Variants in SLC6A6 observed in about 807,000 individuals in gnomAD.
SLC6A6 encodes the protein sodium- and chloride-dependent taurine transporter.
SLC6A6 carries 16 observed loss-of-function variants against 68.8 expected under a neutral mutation model. That is an observed-to-expected ratio of 0.23 (90% CI 0.16 to 0.35). The LOEUF is 0.35. Among genes scored for constraint, SLC6A6 ranks in the 10% least tolerant of loss-of-function variants. SLC6A6 has a pLI of 1.00. For missense variants in SLC6A6, 474 were observed against 802.8 expected (o/e 0.59, Z 4.95); for synonymous variants, 312 against 315.4 (o/e 0.99, Z 0.12).
chr3:14,477,300 G>T lies in SLC6A6; in HGVS notation c.1305G>T (p.Val435=). 6.2e-7 allele frequency: 1 copy of T among 1,614,138 alleles called. No homozygotes were observed. The highest frequency in any genetic ancestry group is 8.5e-7 in the Non-Finnish European group (1 of 1,179,948). ...GTCGGGAAATCTTCATCGCCTTCGTGTGTAGCATCAGCTACCTGCTGGGGC... is the reference window on the plus strand; with the variant it reads ...GTCGGGAAATCTTCATCGCCTTCGTTTGTAGCATCAGCTACCTGCTGGGGC... ...GYRREIFIAF[V]CSISYLLGLT... is the part of the protein sequence containing the mutation. Residue 435 remains valine, a synonymous_variant, in exon 11 of 15, where the codon GTG becomes GTT. Coordinates refer to ENST00000622186, the MANE Select transcript of SLC6A6 (RefSeq NM_003043.6). The surrounding 1 kb of genome is among the most constrained non-coding windows in gnomAD (Gnocchi z 4.2).
chr3:14,448,856 T>A (rs780159545), intron 5 of SLC6A6, among the ~76,000 whole-genome samples: 2 of 152,220 alleles, frequency 1.3e-5, no homozygotes, highest in Non-Finnish European at 2.9e-5. Flanking sequence ...ACTGCATCAT[T>A]TCCCTCTTCT....
At chr3:14,435,269 G>A (rs930073001) in intron 2 of SLC6A6, among the ~76,000 whole-genome samples, 17 of 152,322 alleles carry the variant, frequency 1.1e-4, no homozygotes, top group South Asian at 1.0e-3. Context: ...GAAAGGCAAG[G>A]CTGATGAGGC....
chr3:14,481,628 G>T lies in SLC6A6; in HGVS notation c.1552-43G>T. The T allele has an allele frequency of 1.5e-6, 1 of 645,636 alleles. No homozygotes were observed. Among genetic ancestry groups the T allele is most frequent in the Non-Finnish European group, 2.6e-6 (1 of 391,680 alleles). The allele number at this position is 645,636 out of a possible 1,614,324, so 40.0% of individuals were successfully genotyped here. On this transcript the variant is annotated intron_variant, in intron 13 of 14. Coordinates refer to ENST00000622186, the MANE Select transcript of SLC6A6 (RefSeq NM_003043.6). This position sits in a 1 kb window ranked among gnomAD's most constrained non-coding sequence, Gnocchi z 4.7. The stretch of plus-strand genomic sequence containing the variant: ...TAGTCCCAGAAGCCCCCCACCCCCC[G>T]ATGCCCAGGACCCCTCTCCTGACTG...
At position 14,476,167 on chromosome 3, in the gene SLC6A6, A is replaced by C. The variant is rs528019066; in HGVS notation, c.1210-1038A>C. ...AGTTTGGGTGTAGCCATCCAAATTT[A>C]AAGTGCTGCTGTGTGCTCTTTAACC... is the stretch of plus-strand genomic sequence containing the variant. On this transcript the variant is annotated intron_variant, in intron 10 of 14. Coordinates refer to ENST00000622186, the MANE Select transcript of SLC6A6 (RefSeq NM_003043.6). Among the ~76,000 whole-genome samples, 27 of 152,312 alleles carry C rather than the reference A, an allele frequency of 1.8e-4. No homozygotes were observed. The South Asian group carries it at 5.0e-3, about 28-fold the overall frequency.
chr3:14,474,463 C>T (rs370213448), intron 10 of SLC6A6, among the ~76,000 whole-genome samples: 4 of 152,186 alleles, frequency 2.6e-5, no homozygotes, highest in South Asian at 4.1e-4. Context: ...CACCACCGTC[C>T]GTCTCCAGAA....
intron 6 of SLC6A6, among the ~76,000 whole-genome samples, chr3:14,461,830 G>T (rs2124972532): frequency 6.6e-6 from 1 of 152,342 alleles, no homozygotes; most frequent in Non-Finnish European, 1.5e-5. Context: ...TGGGATCAAT[G>T]GCGAGCCCTG....
chr3:14,422,588 C>T (rs1699509317), intron 2 of SLC6A6, among the ~76,000 whole-genome samples: 1 of 152,122 alleles, frequency 6.6e-6, no homozygotes, highest in Non-Finnish European at 1.5e-5. Context: ...TAGTGGCTCA[C>T]CTTCTGGGGG....
Position 14,458,068 on chromosome 3 carries a change from A to G in SLC6A6, c.718A>G (p.Arg240Gly), listed in dbSNP as rs764103908. Residue 240 changes from arginine (R) to glycine (G), a missense_variant, in exon 6 of 15, where the codon AGG becomes GGG. Transcript: ENST00000622186. Reference protein sequence around the residue: ...VCFFCIWKGVRSTGKVVYFTA... With the variant: ...VCFFCIWKGVGSTGKVVYFTA... Reference sequence around the variant, plus strand: ...TTTCTTCTGCATCTGGAAGGGCGTCAGGTCCACTGGGAAGGTAAGTTGGAC... The same window carrying G: ...TTTCTTCTGCATCTGGAAGGGCGTCGGGTCCACTGGGAAGGTAAGTTGGAC... The G allele has an allele frequency of 1.9e-6, 3 of 1,613,812 alleles. No homozygotes were observed. In the Admixed American group the frequency reaches 5.0e-5, roughly 27 times the overall value.
At chr3:14,445,205 G>A (rs1419440262) in intron 3 of SLC6A6, among the ~76,000 whole-genome samples, 3 of 152,066 alleles carry the variant, frequency 2.0e-5, no homozygotes, top group East Asian at 1.9e-4. Flanking sequence ...GGCGGATCAC[G>A]AGGTCAGGAG....
chr3:14,425,171 G>A (rs1699566349), intron 2 of SLC6A6, among the ~76,000 whole-genome samples: 1 of 152,174 alleles, frequency 6.6e-6, no homozygotes, highest in African/African-American at 2.4e-5. Context: ...TACCTTCCTT[G>A]TGTAATTCAC....
intron 10 of SLC6A6, among the ~76,000 whole-genome samples, chr3:14,473,897 G>A (rs1345352870): frequency 2.0e-5 from 3 of 152,184 alleles, no homozygotes; most frequent in Admixed American, 2.0e-4. Flanking sequence ...TAGGCCACTT[G>A]GGCTTTGGAA....
intron 2 of SLC6A6, among the ~76,000 whole-genome samples, chr3:14,439,184 C>T (rs1326457446): frequency 6.6e-6 from 1 of 152,254 alleles, no homozygotes; most frequent in African/African-American, 2.4e-5. Context: ...CCTCTCTCTC[C>T]TTTCCACCCG....
At chr3:14,449,318 A>G (rs1386581922) in intron 5 of SLC6A6, among the ~76,000 whole-genome samples, 2 of 152,188 alleles carry the variant, frequency 1.3e-5, no homozygotes, top group African/African-American at 2.4e-5. Flanking sequence ...CCACTTACAA[A>G]CAAAAGGGAC....
At chr3:14,423,628 T>C (rs1416261558) in intron 2 of SLC6A6, among the ~76,000 whole-genome samples, 1 of 152,152 alleles carries the variant, frequency 6.6e-6, no homozygotes, top group East Asian at 1.9e-4. Flanking sequence ...CCTGTTTTGG[T>C]GCTGTCAAGA....
chr3:14,424,964 G>C (rs914207652), intron 2 of SLC6A6, among the ~76,000 whole-genome samples: 2 of 152,240 alleles, frequency 1.3e-5, no homozygotes, highest in African/African-American at 4.8e-5. Flanking sequence ...TATTTTCCCA[G>C]TGTGGCAGAT....
Position 14,450,672 on chromosome 3 carries a change from T to A in SLC6A6, c.599+2856T>A, listed in dbSNP as rs1187068811. On this transcript the variant is annotated intron_variant, in intron 5 of 14. Coordinates refer to ENST00000622186, the MANE Select transcript of SLC6A6 (RefSeq NM_003043.6). The surrounding 1 kb of genome is among the most constrained non-coding windows in gnomAD (Gnocchi z 4.1). ...TAGGCAAGACCAGCACTGCCTCCTG[T>A]GACCTGCCTTCACAGCACAGGCCGA... 1.3e-5 allele frequency among the ~76,000 whole-genome samples: 2 copies of A among 152,186 alleles called. No homozygotes were observed. The highest frequency in any genetic ancestry group is 2.9e-5 in the Non-Finnish European group (2 of 68,036).
intron 2 of SLC6A6, among the ~76,000 whole-genome samples, chr3:14,433,418 G>T (rs1699775020): frequency 6.6e-6 from 1 of 152,300 alleles, no homozygotes; most frequent in East Asian, 1.9e-4. Context: ...TCAAGGGGAA[G>T]ACATTCTGGC....
intron 10 of SLC6A6, among the ~76,000 whole-genome samples, chr3:14,476,255 G>A (rs1368761963): frequency 6.6e-6 from 1 of 152,220 alleles, no homozygotes; most frequent in Non-Finnish European, 1.5e-5. Context: ...AGGAGAGGAA[G>A]AGCTGAGTCT....
chr3:14,447,912 G>C (rs1559300706), intron 5 of SLC6A6, 96 bp downstream of exon 5: 2 of 1,534,552 alleles, frequency 1.3e-6, no homozygotes, highest in Non-Finnish European at 8.8e-7. Flanking sequence ...AGGAGCCACT[G>C]TCTTCGGGGG....
Sources: gnomAD v4.1 joint callset for allele counts (sites outside exome capture counted in the v4.1 genomes callset) on GRCh38, gnomAD v4.1.1 for gene constraint, Gnocchi (gnomAD v3.1) non-coding constraint, MANE v1.5 for transcripts, NCBI Gene and HGNC (gene_info 2026-07-23, HGNC 2026-07-21) for gene names.